ARHGEF7: variants seen among roughly 807,000 people sequenced by gnomAD.
The protein encoded by ARHGEF7 is PAK-interacting exchange factor beta.
In ARHGEF7, 33 loss-of-function variants were observed where a neutral mutation model predicts 109.8. The ratio of observed to expected loss-of-function variants is 0.30; its 90% CI spans 0.23 to 0.40. The LOEUF (loss-of-function observed/expected upper bound fraction) is 0.40. ARHGEF7 is among the 10% of genes least tolerant of loss of function. The pLI is 1.00. For synonymous variants in ARHGEF7, 458 were observed against 424.6 expected (o/e 1.08, Z -0.97); for missense variants, 938 against 1,098.5 (o/e 0.85, Z 2.07).
chr13:111,272,365 T>C lies in ARHGEF7; in HGVS notation c.1074-1449T>C, dbSNP rs1225281596. On this transcript the variant is annotated intron_variant, in intron 9 of 21. Transcript: ENST00000646102. The surrounding 1 kb of genome is among the most constrained non-coding windows in gnomAD (Gnocchi z 5.2). ...TGATGGTTCTGGTGTCCCCGAGACC[T>C]CTGGCAGTAGCCAGCTTGGCTGGGG... 6.6e-6 allele frequency among the ~76,000 whole-genome samples: 1 copy of C among 152,248 alleles called. No homozygotes were observed. Among genetic ancestry groups the C allele is most frequent in the East Asian group, 1.9e-4 (1 of 5,198 alleles).
At chr13:111,248,439 G>T (rs964984381) in intron 8 of ARHGEF7, among the ~76,000 whole-genome samples, 2 of 152,082 alleles carry the variant, frequency 1.3e-5, no homozygotes, top group African/African-American at 4.8e-5. Context: ...GAATTTGCGG[G>T]CATTATTTCT....
At chr13:111,177,154 A>G (rs945456189) in intron 2 of ARHGEF7, among the ~76,000 whole-genome samples, 1 of 152,246 alleles carries the variant, frequency 6.6e-6, no homozygotes, top group African/African-American at 2.4e-5. Context: ...ACCAGTGCTG[A>G]GGAAGCAGGC....
chr13:111,179,225 C>T (rs538078295), intron 2 of ARHGEF7, among the ~76,000 whole-genome samples: 4 of 152,068 alleles, frequency 2.6e-5, no homozygotes, highest in African/African-American at 4.8e-5. Flanking sequence ...ATTACAGGCA[C>T]GTGCCATCAC....
intron 2 of ARHGEF7, among the ~76,000 whole-genome samples, chr13:111,202,743 A>G (rs1346484988): frequency 1.3e-5 from 2 of 152,176 alleles, no homozygotes; most frequent in Non-Finnish European, 2.9e-5. Context: ...ATAGTACAAA[A>G]TTTCTCTGTA....
chr13:111,198,611 G>C (rs745518457), intron 2 of ARHGEF7, among the ~76,000 whole-genome samples: 10 of 152,098 alleles, frequency 6.6e-5, no homozygotes, highest in Admixed American at 1.3e-4. Context: ...GTGGGTTCGT[G>C]GTCTTGCTGA....
At chr13:111,245,083 A>AGGG in intron 8 of ARHGEF7, among the ~76,000 whole-genome samples, 1 of 152,200 alleles carries the variant, frequency 6.6e-6, no homozygotes, top group Non-Finnish European at 1.5e-5. Flanking sequence ...ACGTGCGGTC[A>AGGG]GGCGCTGTTG....
chr13:111,295,562 G>T (rs941016971), intron 19 of ARHGEF7, among the ~76,000 whole-genome samples: 1 of 152,156 alleles, frequency 6.6e-6, no homozygotes, highest in Non-Finnish European at 1.5e-5. Context: ...GTTTTATAAA[G>T]TGCTTATCCA....
At chr13:111,189,583 T>G (rs907285049) in intron 2 of ARHGEF7, among the ~76,000 whole-genome samples, 7 of 152,158 alleles carry the variant, frequency 4.6e-5, no homozygotes, top group Non-Finnish European at 8.8e-5. Context: ...CAAGATTTAT[T>G]GTGAAGAGCG....
At chr13:111,152,778 A>G (rs1027343881) in intron 1 of ARHGEF7, among the ~76,000 whole-genome samples, 1 of 152,260 alleles carries the variant, frequency 6.6e-6, no homozygotes, top group Non-Finnish European at 1.5e-5. Flanking sequence ...CTTACAGTTA[A>G]AATAATCCTT....
chr13:111,301,630 C>A, intron 21 of ARHGEF7, 98 bp downstream of exon 21: 2 of 978,446 alleles, frequency 2.0e-6, no homozygotes, highest in South Asian at 1.5e-5. Context: ...CGGTGGCTCA[C>A]ACCTATAATC....
At chr13:111,215,337 A>G (rs927899798) in intron 4 of ARHGEF7, among the ~76,000 whole-genome samples, 4 of 151,644 alleles carry the variant, frequency 2.6e-5, no homozygotes, top group African/African-American at 4.8e-5. Context: ...GGTGCTTTGT[A>G]GGTATTTGCC....
At chr13:111,217,904 G>A (rs771116682) in intron 5 of ARHGEF7, 24 bp downstream of exon 5, 165 of 1,590,368 alleles carry the variant, frequency 1.0e-4, no homozygotes, top group Non-Finnish European at 1.3e-4. Context: ...CCTGGGCTGT[G>A]TGTGGCTTTT....
rs949906396 is a variant in ARHGEF7, at chr13:111,239,114, T to C, written c.760-4758T>C. Among the ~76,000 whole-genome samples, 4 of 152,116 alleles carry C rather than the reference T, an allele frequency of 2.6e-5. No homozygotes were observed. Among genetic ancestry groups the C allele is most frequent in the African/African-American group, 9.7e-5 (4 of 41,422 alleles). Reference sequence around the variant, plus strand: ...ATGAGAACAGCATAGGGGAACGCGCTGCGTGCCCCTGCTCCCCCACACCCC... The same window carrying C: ...ATGAGAACAGCATAGGGGAACGCGCCGCGTGCCCCTGCTCCCCCACACCCC... On this transcript the variant is annotated intron_variant, in intron 6 of 21. Coordinates refer to ENST00000646102, the MANE Select transcript of ARHGEF7 (RefSeq NM_001354046.2). The surrounding 1 kb of genome is among the most constrained non-coding windows in gnomAD (Gnocchi z 4.3).
At chr13:111,187,987 T>C (rs1377057527) in intron 2 of ARHGEF7, among the ~76,000 whole-genome samples, 1 of 152,234 alleles carries the variant, frequency 6.6e-6, no homozygotes, top group Non-Finnish European at 1.5e-5. Context: ...TTGTTCTCTT[T>C]TCCTTGAGTA....
intron 2 of ARHGEF7, among the ~76,000 whole-genome samples, chr13:111,170,568 T>C (rs1312978042): frequency 1.3e-5 from 2 of 152,264 alleles, no homozygotes; most frequent in Non-Finnish European, 2.9e-5. Context: ...ACAAGGCTGC[T>C]CACTCAAGCC....
At chr13:111,155,040 T>C (rs2076204653) in intron 2 of ARHGEF7, among the ~76,000 whole-genome samples, 1 of 152,170 alleles carries the variant, frequency 6.6e-6, no homozygotes, top group Non-Finnish European at 1.5e-5. Context: ...CACAGTATAA[T>C]GATTATTTAC....
intron 5 of ARHGEF7, among the ~76,000 whole-genome samples, chr13:111,220,649 G>A (rs1290081565): frequency 6.6e-6 from 1 of 152,122 alleles, no homozygotes; most frequent in Admixed American, 6.5e-5. Flanking sequence ...GGCATCGTGA[G>A]CCCCCGCTTT....
chr13:111,268,431 C>T (rs962114257), intron 9 of ARHGEF7, among the ~76,000 whole-genome samples: 8 of 152,164 alleles, frequency 5.3e-5, no homozygotes, highest in Non-Finnish European at 1.2e-4. Flanking sequence ...GAAATTCACA[C>T]ATTTTCAAAA....
At chr13:111,301,052 G>C (rs558917906) in intron 20 of ARHGEF7, among the ~76,000 whole-genome samples, 8 of 152,140 alleles carry the variant, frequency 5.3e-5, no homozygotes, top group Admixed American at 4.6e-4. Context: ...GGGTTCAAGC[G>C]GTTCTCCTGC....
Sources: gnomAD v4.1 joint callset for allele counts (sites outside exome capture counted in the v4.1 genomes callset) on GRCh38, gnomAD v4.1.1 for gene constraint, Gnocchi (gnomAD v3.1) non-coding constraint, MANE v1.5 for transcripts, NCBI Gene and HGNC (gene_info 2026-07-23, HGNC 2026-07-21) for gene names.